TOGARAM2: variants seen among roughly 807,000 people sequenced by gnomAD.
TOGARAM2 encodes the protein TOG array regulator of axonemal microtubules 2.
TOGARAM2 carries 85 observed loss-of-function variants against 93.3 expected under a neutral mutation model. The observed-to-expected ratio is 0.91, with a 90% CI of 0.76 to 1.09. The LOEUF (loss-of-function observed/expected upper bound fraction) is 1.09. Among genes scored for constraint, TOGARAM2 ranks in the 50% least tolerant of loss-of-function variants. The pLI is 0.00. For synonymous variants in TOGARAM2, 593 were observed against 552.8 expected (o/e 1.07, Z -1.02); for missense variants, 1,277 against 1,334.5 (o/e 0.96, Z 0.67).
At chr2:28,965,544 A>G (rs933538410) in intron 1 of TOGARAM2, among the ~76,000 whole-genome samples, 1 of 152,170 alleles carries the variant, frequency 6.6e-6, no homozygotes, top group Non-Finnish European at 1.5e-5. Context: ...CTTTCTGAAT[A>G]GTTGGGACTC....
intron 6 of TOGARAM2, among the ~76,000 whole-genome samples, chr2:29,004,371 C>T (rs1673497392): frequency 6.6e-6 from 1 of 152,214 alleles, no homozygotes; most frequent in Non-Finnish European, 1.5e-5. Flanking sequence ...ACTAAAAATA[C>T]AACCAGTATC....
At chr2:29,033,094 G>GGGGTGA (rs749370165) in intron 15 of TOGARAM2, 43 bp downstream of exon 15, 12 of 1,537,482 alleles carry the variant, frequency 7.8e-6, no homozygotes, top group African/African-American at 2.7e-5. Context: ...TTTGGGGGTG[G>GGGGTGA]GGGTGACAGT....
intron 18 of TOGARAM2, among the ~76,000 whole-genome samples, chr2:29,042,620 G>T (rs1666502577): frequency 6.6e-6 from 1 of 152,198 alleles, no homozygotes; most frequent in Non-Finnish European, 1.5e-5. Context: ...CACACCATCT[G>T]CCCTGTCTCA....
At chr2:29,048,585 C>T (rs717242) in intron 19 of TOGARAM2, 60,409 of 151,796 alleles carry the variant, frequency 0.4, 12,432 homozygotes, top group Admixed American at 0.45. Context: ...ATAAATGGAA[C>T]TGTACAGTTT....
intron 18 of TOGARAM2, among the ~76,000 whole-genome samples, chr2:29,042,215 A>C (rs74992362): frequency 4.8e-4 from 73 of 152,396 alleles, no homozygotes; most frequent in African/African-American, 1.7e-3. Flanking sequence ...AAGACAGGCC[A>C]AATGCCTGGG....
chr2:28,994,343 G>A (rs566863052), intron 1 of TOGARAM2, among the ~76,000 whole-genome samples: 2 of 152,316 alleles, frequency 1.3e-5, no homozygotes, highest in East Asian at 1.9e-4. Context: ...GGCCAACATC[G>A]CCATGGGCTT....
chr2:28,994,921 G>C, intron 2 of TOGARAM2, 59 bp downstream of exon 2: 1 of 1,543,280 alleles, frequency 6.5e-7, no homozygotes, highest in Non-Finnish European at 8.8e-7. Flanking sequence ...GACCTGCCTC[G>C]GACACTCCCA....
chr2:29,031,482 G>A (rs1052535584), intron 14 of TOGARAM2, among the ~76,000 whole-genome samples: 1 of 152,112 alleles, frequency 6.6e-6, no homozygotes, highest in African/African-American at 2.4e-5. Context: ...GTGATTTTTG[G>A]ATGCTCTCTG....
chr2:29,024,172 G>A lies in TOGARAM2; in HGVS notation c.1651G>A (p.Ala551Thr). 1 of 1,594,870 alleles carries A rather than the reference G, an allele frequency of 6.3e-7. No individual in the cohort carries two copies. The highest frequency in any genetic ancestry group is 2.3e-5 in the East Asian group (1 of 43,930). The part of the protein sequence containing the change: ...TNLRSKVSHL[A>T]ISTLGDLFQA... Reference sequence around the variant, plus strand: ...CCTGCGGTCCAAGGTGTCTCACCTGGCCATCAGCACCTTGGGAGACCTCTT... The same window carrying A: ...CCTGCGGTCCAAGGTGTCTCACCTGACCATCAGCACCTTGGGAGACCTCTT... Residue 551 changes from alanine to threonine, a missense_variant, in exon 13 of 20, where the codon GCC (alanine) becomes ACC (threonine). Physicochemically the swap from Ala to Thr is moderately conservative, Grantham distance 58 (BLOSUM62 0). Transcript: ENST00000379558.
At chr2:28,974,383 C>T (rs1333465032) in intron 1 of TOGARAM2, among the ~76,000 whole-genome samples, 1 of 152,242 alleles carries the variant, frequency 6.6e-6, no homozygotes. Flanking sequence ...ATGCCTCGGC[C>T]TCTTAACGAT....
chr2:29,026,642 C>T (rs973636379), intron 13 of TOGARAM2, among the ~76,000 whole-genome samples: 7 of 152,192 alleles, frequency 4.6e-5, no homozygotes, highest in African/African-American at 1.2e-4. Context: ...ATGTCACTTT[C>T]CTTCCCTCTC....
intron 10 of TOGARAM2, among the ~76,000 whole-genome samples, chr2:29,021,053 ACAGG>A (rs1664912913): frequency 6.6e-6 from 1 of 152,150 alleles, no homozygotes; most frequent in Non-Finnish European, 1.5e-5. Context: ...ATCTGGGATT[ACAGG>A]CATGTACCAC....
At chr2:28,957,070 C>CT (rs35065755) in intron 1 of TOGARAM2, among the ~76,000 whole-genome samples, 23,179 of 152,048 alleles carry the variant, frequency 0.15, 2,235 homozygotes, top group Non-Finnish European at 0.22. Flanking sequence ...CGCCACTACA[C>CT]TCCAGCCTGG....
At chr2:29,013,021 G>A (rs753727795) in intron 7 of TOGARAM2, among the ~76,000 whole-genome samples, 11 of 152,200 alleles carry the variant, frequency 7.2e-5, no homozygotes, top group Non-Finnish European at 1.0e-4. Context: ...AGCTCTGCAC[G>A]GGCCCCAGAG....
At chr2:28,991,168 A>G (rs374988696) in intron 1 of TOGARAM2, among the ~76,000 whole-genome samples, 14 of 152,120 alleles carry the variant, frequency 9.2e-5, no homozygotes, top group African/African-American at 3.1e-4. Context: ...TTGTTAGGAC[A>G]TTTTTTTCAG....
chr2:29,032,434 C>T (rs1314834691), intron 14 of TOGARAM2, among the ~76,000 whole-genome samples: 1 of 152,242 alleles, frequency 6.6e-6, no homozygotes, highest in African/African-American at 2.4e-5. Flanking sequence ...ATTCCCTCAC[C>T]TGCCACCACT....
In TOGARAM2 at chr2:28,991,021, TG is replaced by T. The variant is rs1558406509; in HGVS notation, c.-110-3703del. 1.2e-4 allele frequency among the ~76,000 whole-genome samples: 18 copies of T among 150,862 alleles called. No homozygotes were observed. In the South Asian group the frequency reaches 1.7e-3, roughly 14 times the overall value. On this transcript the variant is annotated intron_variant, in intron 1 of 19. Transcript: ENST00000379558. ...GTGTGTGTGTGTGTGTGTGTGTGTG[TG>T]TGTGTGTGTGTGTGTGTGGCTTTTC...
chr2:29,020,345 T>G (rs1052054425), intron 10 of TOGARAM2, among the ~76,000 whole-genome samples: 5 of 152,118 alleles, frequency 3.3e-5, no homozygotes, highest in African/African-American at 1.2e-4. Flanking sequence ...GCTTTGAAAA[T>G]AGAGGACAAG....
upstream of TOGARAM2, among the ~76,000 whole-genome samples, chr2:28,977,749 G>A (rs1672058300): frequency 6.6e-6 from 1 of 151,998 alleles, no homozygotes; most frequent in Non-Finnish European, 1.5e-5. Flanking sequence ...AGAGGGGCGG[G>A]CAGTTACAGT....
Sources: gnomAD v4.1 joint callset for allele counts (sites outside exome capture counted in the v4.1 genomes callset) on GRCh38, gnomAD v4.1.1 for gene constraint, MANE v1.5 for transcripts, NCBI Gene and HGNC (gene_info 2026-07-23, HGNC 2026-07-21) for gene names.